The following RUNX1T1 variants were observed in gnomAD, a reference collection of about 807,000 sequenced individuals.
RUNX1T1 encodes protein CBFA2T1.
RUNX1T1 carries 4 observed loss-of-function variants against 62.8 expected under a neutral mutation model. That is an observed-to-expected ratio of 0.06 (90% CI 0.03 to 0.15). The LOEUF (loss-of-function observed/expected upper bound fraction) is 0.15. Ranked by LOEUF, RUNX1T1 falls within the 10% of genes least tolerant of loss-of-function variation. The probability of loss-of-function intolerance (pLI) is 1.00; values close to 1 mark genes in which losing one functional copy is unlikely to be tolerated. For missense variants in RUNX1T1, 508 were observed against 754.3 expected, an observed-to-expected ratio of 0.67 and a Z score of 3.82; for synonymous variants, 291 against 286.0, an observed-to-expected ratio of 1.02 and a Z score of -0.18.
chr8:91,982,285 G>A (rs1172054574), intron 8 of RUNX1T1, among the ~76,000 whole-genome samples: 1 of 147,292 alleles, frequency 6.8e-6, no homozygotes, highest in African/African-American at 2.5e-5. Flanking sequence ...AAGACTTCTA[G>A]AAAACAAAAA....
At chr8:92,055,113 C>A (rs1371141116) in intron 1 of RUNX1T1, among the ~76,000 whole-genome samples, 1 of 152,168 alleles carries the variant, frequency 6.6e-6, no homozygotes, top group Non-Finnish European at 1.5e-5. Flanking sequence ...GTAACTATGG[C>A]TTAAAGAGAT....
intron 2 of RUNX1T1, among the ~76,000 whole-genome samples, chr8:92,069,067 GATA>G: frequency 6.6e-6 from 1 of 151,746 alleles, no homozygotes; most frequent in Non-Finnish European, 1.5e-5. Flanking sequence ...GTTCTCTTCT[GATA>G]ATGTCTATTC....
upstream of RUNX1T1, among the ~76,000 whole-genome samples, chr8:92,065,678 C>T (rs563614891): frequency 6.6e-6 from 1 of 152,302 alleles, no homozygotes; most frequent in South Asian, 2.1e-4. Context: ...TCATGAAATA[C>T]AAATTTTTCC....
intron 1 of RUNX1T1, among the ~76,000 whole-genome samples, chr8:92,086,168 G>C (rs1836083205): frequency 6.6e-6 from 1 of 152,214 alleles, no homozygotes; most frequent in Non-Finnish European, 1.5e-5. Flanking sequence ...CCAAGTCTGA[G>C]GCCTGCTGGT....
chr8:92,095,558 G>T (rs550829010), intron 1 of RUNX1T1: 24 of 1,455,534 alleles, frequency 1.6e-5, no homozygotes, highest in Middle Eastern at 1.8e-4. Flanking sequence ...CCCAGATGGA[G>T]GCAGGAAAAT....
At chr8:92,019,943 C>A (rs573851787) in intron 1 of RUNX1T1, among the ~76,000 whole-genome samples, 1 of 152,238 alleles carries the variant, frequency 6.6e-6, no homozygotes, top group South Asian at 2.1e-4. Flanking sequence ...ATAGGAAACA[C>A]CACTACTTCT....
upstream of RUNX1T1, chr8:92,102,815 C>T (rs1233978358): frequency 2.0e-6 from 3 of 1,493,402 alleles, 1 homozygote; most frequent in South Asian, 3.8e-5. The surrounding 1 kb of genome is among the most constrained non-coding windows in gnomAD (Gnocchi z 4.5). Context: ...GGGCCCGACC[C>T]CGCCGCCCGC....
chr8:92,052,928 G>A (rs2130419818), intron 1 of RUNX1T1, among the ~76,000 whole-genome samples: 1 of 152,268 alleles, frequency 6.6e-6, no homozygotes, highest in South Asian at 2.1e-4. Flanking sequence ...CAACAGATGA[G>A]CTAAACTGAC....
chr8:92,051,142 C>T (rs1440712185), intron 1 of RUNX1T1, among the ~76,000 whole-genome samples: 1 of 152,082 alleles, frequency 6.6e-6, no homozygotes, highest in Non-Finnish European at 1.5e-5. Context: ...CTGTCTCCTC[C>T]CAGTTCCAAT....
At chr8:91,999,497 T>C (rs1290370523) in intron 5 of RUNX1T1, among the ~76,000 whole-genome samples, 4 of 152,168 alleles carry the variant, frequency 2.6e-5, no homozygotes, top group Admixed American at 6.5e-5. Flanking sequence ...TCAAAGCATT[T>C]TGTTTTCAAG....
chr8:92,103,349 GGAGCGCCGCGCGCTGTGCGCCGA>G (rs1316665744), upstream of RUNX1T1: 1 of 182,536 alleles, frequency 5.5e-6, no homozygotes, highest in East Asian at 9.0e-5. Flanking sequence ...CCGGGGAGCA[GGAGCGCCGCGCGCTGTGCGCCGA>G]GAGCGCCCGC....
intron 8 of RUNX1T1, 55 bp from the exon 10 acceptor site, chr8:91,976,028 T>C: frequency 6.3e-6 from 8 of 1,261,058 alleles, no homozygotes; most frequent in Non-Finnish European, 9.3e-6. Context: ...GTAAGCACAC[T>C]TGTGTCATCG....
intron 1 of RUNX1T1, among the ~76,000 whole-genome samples, chr8:92,040,899 A>T (rs1273025814): frequency 6.6e-6 from 1 of 152,060 alleles, no homozygotes; most frequent in Non-Finnish European, 1.5e-5. Flanking sequence ...TTCAAATACG[A>T]GGTCTTACTC....
At chr8:92,071,114 C>T (rs1833607265) in intron 2 of RUNX1T1, 1 of 152,224 alleles carries the variant, frequency 6.6e-6, no homozygotes, top group Admixed American at 6.5e-5. Context: ...TATTATTTCT[C>T]ACCACCTCCA....
At chr8:92,054,899 G>A (rs1303103019) in intron 1 of RUNX1T1, among the ~76,000 whole-genome samples, 1 of 152,126 alleles carries the variant, frequency 6.6e-6, no homozygotes, top group Non-Finnish European at 1.5e-5. Flanking sequence ...CAGCTACTAG[G>A]GAGGCTGAAG....
At chr8:92,022,014 G>C (rs1458643845) in intron 1 of RUNX1T1, among the ~76,000 whole-genome samples, 1 of 151,258 alleles carries the variant, frequency 6.6e-6, no homozygotes, top group African/African-American at 2.4e-5. Context: ...CATTACCTCT[G>C]CCTTTCTTTT....
chr8:92,027,440 G>A (rs1401242432), intron 1 of RUNX1T1, among the ~76,000 whole-genome samples: 1 of 152,188 alleles, frequency 6.6e-6, no homozygotes, highest in Non-Finnish European at 1.5e-5. Context: ...TGGGGAGCAG[G>A]AGGATTGTCT....
chr8:92,085,140 G>A (rs956410309), intron 1 of RUNX1T1, among the ~76,000 whole-genome samples: 6 of 152,204 alleles, frequency 3.9e-5, no homozygotes, highest in Non-Finnish European at 8.8e-5. Context: ...AAATGGTAAA[G>A]CACTTGGGAG....
chr8:91,962,306 CAAAACA>C (rs1171348831), intron 10 of RUNX1T1, among the ~76,000 whole-genome samples: 1 of 151,290 alleles, frequency 6.6e-6, no homozygotes, highest in South Asian at 2.1e-4. Flanking sequence ...CACGGAAAAA[CAAAACA>C]AAAACAAAAC....
Sources: allele counts gnomAD v4.1 joint callset (sites outside exome capture counted in the v4.1 genomes callset), GRCh38; gene constraint gnomAD v4.1.1; non-coding constraint Gnocchi (gnomAD v3.1); transcripts MANE v1.5; gene names NCBI Gene and HGNC (gene_info 2026-07-23, HGNC 2026-07-21).